Variants in PLXNA2 observed in about 807,000 individuals in gnomAD.
PLXNA2 encodes plexin-A2.
PLXNA2 carries 91 observed loss-of-function variants against 193.5 expected under a neutral mutation model. The observed-to-expected ratio is 0.47, with a 90% CI of 0.40 to 0.56. The LOEUF (loss-of-function observed/expected upper bound fraction) is 0.56, where lower values mean the gene tolerates loss of function less well. Ranked by LOEUF, PLXNA2 falls within the 20% of genes least tolerant of loss-of-function variation. The pLI is 0.00. For missense variants in PLXNA2, 1,995 were observed against 2,503.2 expected (o/e 0.80, Z 4.33); for synonymous variants, 997 against 1,027.3 (o/e 0.97, Z 0.56).
At position 208,038,711 on chromosome 1, in the gene PLXNA2, C is replaced by A. The variant is rs79129786; in HGVS notation, c.4660+114G>T. On this transcript the variant is annotated intron_variant, in intron 25 of 31. Coordinates refer to ENST00000367033, the MANE Select transcript of PLXNA2 (RefSeq NM_025179.4). This position sits in a 1 kb window ranked among gnomAD's most constrained non-coding sequence, Gnocchi z 4.1. ...CGCTCAAAGCGGGAAGCATTTCACACGGGCCTCAGCTGGCCAGGACACAGT... is the reference window on the plus strand; with the variant it reads ...CGCTCAAAGCGGGAAGCATTTCACAAGGGCCTCAGCTGGCCAGGACACAGT... 1.7e-6 allele frequency: 2 copies of A among 1,145,276 alleles called. No individual in the cohort carries two copies. Among genetic ancestry groups the A allele is most frequent in the East Asian group, 4.7e-5 (2 of 42,376 alleles). 70.9% of individuals were successfully genotyped at this position (1,145,276 alleles called of 1,614,324 possible). A position where few individuals can be genotyped will look rare whatever the true frequency, so the allele number is the denominator to read the frequency against.
chr1:208,079,033 C>T (rs1189458660), intron 12 of PLXNA2, among the ~76,000 whole-genome samples: 4 of 152,202 alleles, frequency 2.6e-5, no homozygotes, highest in Non-Finnish European at 4.4e-5. Flanking sequence ...CACACCAATG[C>T]GCTTGTACAT....
chr1:208,090,609 G>A (rs1055594170), intron 9 of PLXNA2, among the ~76,000 whole-genome samples: 30 of 152,110 alleles, frequency 2.0e-4, no homozygotes, highest in Non-Finnish European at 2.6e-4. Context: ...AGTGACACTC[G>A]CATGCCCTTG....
chr1:208,114,219 G>A (rs1050585311), intron 4 of PLXNA2, among the ~76,000 whole-genome samples: 1 of 152,162 alleles, frequency 6.6e-6, no homozygotes, highest in Non-Finnish European at 1.5e-5. Flanking sequence ...CTCTGCTGTT[G>A]GCATTTGTGG....
chr1:208,182,393 A>T (rs900162919), intron 3 of PLXNA2, among the ~76,000 whole-genome samples: 3 of 152,154 alleles, frequency 2.0e-5, no homozygotes, highest in Non-Finnish European at 4.4e-5. Context: ...AGATCGCGCC[A>T]CTGCACTCCA....
In PLXNA2 at chr1:208,217,789, T is replaced by A. The variant is rs1671189077; in HGVS notation, c.134A>T (p.Asn45Ile). The change falls in exon 2 of 32, where the codon AAT becomes ATT. Residue 45 changes from asparagine (N) to isoleucine (I), a missense_variant. This residue lies in a region of PLXNA2 where 702 missense variants were observed against 812.9 expected (regional missense o/e 0.86). Transcript: ENST00000367033. This position sits in a 1 kb window ranked among gnomAD's most constrained non-coding sequence, Gnocchi z 4.7. The stretch of plus-strand genomic sequence containing the variant: ...CAAGTGGTTGAAGGTCCAGTCACGA[T>A]TCTCAGAGTGGAAGGTGCTGAACTG... ...MPQFSTFHSE[N>I]RDWTFNHLTV... The A allele has an allele frequency of 6.2e-7, 1 of 1,614,140 alleles. No individual in the cohort carries two copies. Among genetic ancestry groups the A allele is most frequent in the Non-Finnish European group, 8.5e-7 (1 of 1,180,006 alleles).
At chr1:208,163,524 A>G (rs1669201150) in intron 3 of PLXNA2, among the ~76,000 whole-genome samples, 1 of 152,178 alleles carries the variant, frequency 6.6e-6, no homozygotes, top group Admixed American at 6.5e-5. Flanking sequence ...CTGGTGGGAA[A>G]TGTGGATGGG....
In PLXNA2 at chr1:208,168,227, T is replaced by C. The variant is rs115381460; in HGVS notation, c.1372-25764A>G. Among the ~76,000 whole-genome samples the C allele has an allele frequency of 6.4e-3, 972 of 152,308 alleles. 12 individuals carry two copies. Among genetic ancestry groups the C allele is most frequent in the African/African-American group, 0.022 (927 of 41,564 alleles). ...AAATGTTCATATTTGTCTCCCTCTC[T>C]TTTCCCCTCTTCATATATAGCCACA... On this transcript the variant is annotated intron_variant, in intron 3 of 31. Transcript: ENST00000367033.
At chr1:208,126,614 A>C (rs531534029) in intron 4 of PLXNA2, among the ~76,000 whole-genome samples, 1 of 152,340 alleles carries the variant, frequency 6.6e-6, no homozygotes, top group East Asian at 1.9e-4. Flanking sequence ...GAGGAAACCG[A>C]AGGCTTAATG....
At position 208,103,209 on chromosome 1, in the gene PLXNA2, C is replaced by T. The variant is rs146699147; in HGVS notation, c.1545G>A (p.Thr515=). 4.5e-4 allele frequency: 733 copies of T among 1,614,124 alleles called. 6 individuals are homozygous for T. The African/African-American group carries it at 5.1e-3, about 11-fold the overall frequency. The stretch of plus-strand genomic sequence containing the variant: ...CAGAGCTCAGGCACTCCCCACAAGT[C>T]GTATACTGCTCACATGACTCCACGG... ...RVPVESCEQY[T]TCGECLSSGD... is the part of the protein sequence containing the mutation. Residue 515 remains threonine (T), a synonymous_variant, in exon 5 of 32, where the codon ACG becomes ACA. Transcript: ENST00000367033.
Position 208,082,422 on chromosome 1 carries a change from C to T in PLXNA2, c.2385G>A (p.Gln795=). The change falls in exon 11 of 32, where the codon CAG becomes CAA. Residue 795 remains glutamine (Q), a synonymous_variant. Coordinates refer to ENST00000367033, the MANE Select transcript of PLXNA2 (RefSeq NM_025179.4). This position sits in a 1 kb window ranked among gnomAD's most constrained non-coding sequence, Gnocchi z 4.2. ...GAAGTAGCCGCTTACCTTTCAGGTC[C>T]TGAGGGTTGTCAATGATGAAATTGC... ...WNGNFIIDNP[Q]DLKVHLYKCA... 1 of 1,613,946 alleles carries T rather than the reference C, an allele frequency of 6.2e-7. No homozygotes were observed. Among genetic ancestry groups the T allele is most frequent in the Non-Finnish European group, 8.5e-7 (1 of 1,179,848 alleles).
chr1:208,052,040 C>T (rs1665281024), intron 15 of PLXNA2, among the ~76,000 whole-genome samples: 1 of 152,180 alleles, frequency 6.6e-6, no homozygotes, highest in South Asian at 2.1e-4. Context: ...TCAATGAATG[C>T]TTGATCCTAG....
At chr1:208,111,312 C>T (rs963453164) in intron 4 of PLXNA2, among the ~76,000 whole-genome samples, 4 of 152,112 alleles carry the variant, frequency 2.6e-5, no homozygotes, top group African/African-American at 7.2e-5. Flanking sequence ...AAGGGCTCTC[C>T]TACCTCTGGC....
rs75931663 is a variant in PLXNA2 at position 208,177,459 on chromosome 1, G to A, written c.1371+32821C>T. The stretch of plus-strand genomic sequence containing the variant: ...ACAGATACCTCAGGATTATTTATGA[G>A]GATTAAAAGAGTTAATACATGCAAA... On this transcript the variant is annotated intron_variant, in intron 3 of 31. Coordinates refer to ENST00000367033, the MANE Select transcript of PLXNA2 (RefSeq NM_025179.4). Among the ~76,000 whole-genome samples the A allele has an allele frequency of 1.2e-4, 18 of 152,266 alleles. No homozygotes were observed. In the East Asian group the frequency reaches 3.3e-3, roughly 28 times the overall value.
intron 29 of PLXNA2, 94 bp from the exon 30 acceptor site, chr1:208,029,136 C>A: frequency 1.9e-6 from 3 of 1,553,244 alleles, no homozygotes; most frequent in South Asian, 2.4e-5. Flanking sequence ...GTCAAATTGT[C>A]CACCTGAAGG....
chr1:208,111,309 C>T (rs763370712), intron 4 of PLXNA2, among the ~76,000 whole-genome samples: 9 of 152,136 alleles, frequency 5.9e-5, no homozygotes, highest in Non-Finnish European at 1.3e-4. Context: ...CTCAAGGGCT[C>T]TCCTACCTCT....
chr1:208,098,898 A>T lies in PLXNA2; in HGVS notation c.1679T>A (p.Val560Glu). 6.2e-7 allele frequency: 1 copy of T among 1,614,042 alleles called. No individual in the cohort carries two copies. Among genetic ancestry groups the T allele is most frequent in the Non-Finnish European group, 8.5e-7 (1 of 1,179,986 alleles). Residue 560 changes from valine (V) to glutamate (E), a missense_variant, in exon 6 of 32, where the codon GTG becomes GAG. Transcript: ENST00000367033. The part of the protein sequence containing the change: ...NRFAASISQC[V>E]SLAVHPSSIS... ...GCTGCTGGGATGCACTGCAAGGCTC[A>T]CACACTGGCTGATGCTGGCAGCAAA...
intron 3 of PLXNA2, among the ~76,000 whole-genome samples, chr1:208,167,694 C>T (rs1328572237): frequency 6.6e-6 from 1 of 152,250 alleles, no homozygotes; most frequent in Non-Finnish European, 1.5e-5. Context: ...ATCAGCTGCG[C>T]TCTTCCCTAA....
At chr1:208,063,555 A>G (rs937494886) in intron 12 of PLXNA2, among the ~76,000 whole-genome samples, 9 of 152,148 alleles carry the variant, frequency 5.9e-5, no homozygotes. Flanking sequence ...AAGCCGGGAG[A>G]ATGAGTGTCC....
intron 3 of PLXNA2, among the ~76,000 whole-genome samples, chr1:208,161,581 T>C (rs1442986857): frequency 1.3e-5 from 2 of 152,050 alleles, no homozygotes; most frequent in Non-Finnish European, 2.9e-5. Context: ...CACGGACGAG[T>C]GGCCAAGGCT....
Sources: gnomAD v4.1 joint callset for allele counts (sites outside exome capture counted in the v4.1 genomes callset) on GRCh38, gnomAD v4.1.1 for gene constraint, gnomAD v4.1.1 regional missense constraint, Gnocchi (gnomAD v3.1) non-coding constraint, MANE v1.5 for transcripts, NCBI Gene and HGNC (gene_info 2026-07-23, HGNC 2026-07-21) for gene names.